RNGTT: variants seen among roughly 807,000 people sequenced by gnomAD.
RNGTT encodes the protein mRNA-capping enzyme.
RNGTT carries 33 observed loss-of-function variants against 79.3 expected under a neutral mutation model. The ratio of observed to expected loss-of-function variants is 0.42; its 90% CI spans 0.32 to 0.56. RNGTT has a LOEUF of 0.56. RNGTT is among the 20% of genes least tolerant of loss of function. RNGTT has a pLI of 0.17. For missense variants in RNGTT, 497 were observed against 739.1 expected, an observed-to-expected ratio of 0.67 and a Z score of 3.80; for synonymous variants, 222 against 235.9, an observed-to-expected ratio of 0.94 and a Z score of 0.54.
chr6:88,771,917 C>T (rs1471203658), intron 12 of RNGTT, among the ~76,000 whole-genome samples: 1 of 152,096 alleles, frequency 6.6e-6, no homozygotes, highest in Non-Finnish European at 1.5e-5. Flanking sequence ...GTGGCTCACG[C>T]CTGTAATTCC....
rs530198823 is a variant in RNGTT at position 88,884,182 on chromosome 6, G to C, written c.896+6313C>G. ...GAGGTTAGACTTTCAACAATATGGA[G>C]GGAAAGTCAGCTCACAGTTATTCAT... On this transcript the variant is annotated intron_variant, in intron 8 of 15. Coordinates refer to ENST00000369485, the MANE Select transcript of RNGTT (RefSeq NM_003800.5). Among the ~76,000 whole-genome samples the C allele has an allele frequency of 2.2e-4, 33 of 152,272 alleles. 1 individual carries two copies. The highest frequency in any genetic ancestry group is 3.4e-4 in the Non-Finnish European group (23 of 68,026).
At chr6:88,628,554 T>C (rs1772723210) in intron 14 of RNGTT, among the ~76,000 whole-genome samples, 1 of 152,156 alleles carries the variant, frequency 6.6e-6, no homozygotes. Context: ...AGCCAATATA[T>C]TTATATTCAT....
Position 88,963,511 on chromosome 6 carries a change from A to C in RNGTT, c.-102T>G. 9.0e-6 allele frequency: 10 copies of C among 1,115,286 alleles called. No individual in the cohort carries two copies. The highest frequency in any genetic ancestry group is 1.2e-5 in the Non-Finnish European group (10 of 811,546). The allele number at this position is 1,115,286 out of a possible 1,614,324, so 69.1% of individuals were successfully genotyped here. The stretch of plus-strand genomic sequence containing the variant: ...GCACACCGGGGTCCGAGACACCCGA[A>C]TCGCAGCCGTAATCTGAATTCCAAC... On this transcript the variant is annotated 5_prime_UTR_variant, in exon 1 of 16. Transcript: ENST00000369485.
At chr6:88,791,808 C>T (rs893334151) in intron 12 of RNGTT, among the ~76,000 whole-genome samples, 1 of 152,036 alleles carries the variant, frequency 6.6e-6, no homozygotes, top group African/African-American at 2.4e-5. Flanking sequence ...CAAAGTGCTG[C>T]GATTACAGGC....
At chr6:88,869,839 A>G (rs1782297783) in intron 8 of RNGTT, among the ~76,000 whole-genome samples, 1 of 152,114 alleles carries the variant, frequency 6.6e-6, no homozygotes, top group Admixed American at 6.6e-5. Context: ...TAAAGGCTGT[A>G]ATTTATGCAG....
rs935486119 is a variant in RNGTT, at chr6:88,642,997, G to A, written c.1507-28602C>T. Among the ~76,000 whole-genome samples the A allele has an allele frequency of 5.7e-4, 87 of 152,132 alleles. 1 individual carries two copies. Among genetic ancestry groups the A allele is most frequent in the African/African-American group, 2.0e-3 (84 of 41,510 alleles). On this transcript the variant is annotated intron_variant, in intron 14 of 15. Transcript: ENST00000369485. ...ATTTCCAAAAGGGAAGTACAAATGC[G>A]CCTTGACTTACAATACAGTTACATC... is the stretch of plus-strand genomic sequence containing the variant.
chr6:88,841,280 T>C lies in RNGTT; in HGVS notation c.1269+3077A>G, dbSNP rs141973949. ...AACCAAAATTCCCATGCCAAGCAGG[T>C]GTTACACAAAATCATAATAAAAGTA... On this transcript the variant is annotated intron_variant, in intron 11 of 15. Coordinates refer to ENST00000369485, the MANE Select transcript of RNGTT (RefSeq NM_003800.5). 3.1e-3 allele frequency among the ~76,000 whole-genome samples: 468 copies of C among 152,182 alleles called. 3 individuals are homozygous for C. The highest frequency in any genetic ancestry group is 9.2e-3 in the African/African-American group (383 of 41,524).
At chr6:88,626,390 C>T (rs951586872) in intron 14 of RNGTT, among the ~76,000 whole-genome samples, 8 of 151,912 alleles carry the variant, frequency 5.3e-5, no homozygotes, top group Non-Finnish European at 1.2e-4. Context: ...AAAAGGTAGA[C>T]TACACTTATG....
chr6:88,817,531 G>C (rs1455251435), intron 11 of RNGTT, among the ~76,000 whole-genome samples: 5 of 134,442 alleles, frequency 3.7e-5, no homozygotes, highest in Non-Finnish European at 8.0e-5. Context: ...GGGAGGTGTA[G>C]ATATAAATAC....
chr6:88,862,079 G>T (rs1215702961), intron 8 of RNGTT, among the ~76,000 whole-genome samples: 3 of 152,162 alleles, frequency 2.0e-5, no homozygotes, highest in African/African-American at 7.2e-5. Context: ...CTGTGATATT[G>T]TGAAATATAC....
intron 4 of RNGTT, among the ~76,000 whole-genome samples, chr6:88,917,430 G>C (rs1784032916): frequency 6.6e-6 from 1 of 152,110 alleles, no homozygotes; most frequent in Non-Finnish European, 1.5e-5. Flanking sequence ...AATCAGAATG[G>C]CTAGAATATG....
At chr6:88,835,845 T>C (rs918736695) in intron 11 of RNGTT, among the ~76,000 whole-genome samples, 1 of 151,860 alleles carries the variant, frequency 6.6e-6, no homozygotes, top group East Asian at 1.9e-4. Flanking sequence ...TTAGAAAGTA[T>C]TATAATTAGC....
chr6:88,686,983 T>A (rs1775303363), intron 13 of RNGTT, among the ~76,000 whole-genome samples: 1 of 151,618 alleles, frequency 6.6e-6, no homozygotes, highest in African/African-American at 2.4e-5. Flanking sequence ...AAAATTTTTT[T>A]AAATGGCATG....
intron 8 of RNGTT, among the ~76,000 whole-genome samples, chr6:88,887,893 A>T (rs1782919962): frequency 6.6e-6 from 1 of 152,222 alleles, no homozygotes; most frequent in Non-Finnish European, 1.5e-5. Flanking sequence ...AGGCAGGAGG[A>T]TCACTACAGC....
At chr6:88,853,822 T>C (rs1781754350) in intron 8 of RNGTT, 58 bp from the exon 9 acceptor site, 1 of 1,081,338 alleles carries the variant, frequency 9.2e-7, no homozygotes, top group South Asian at 1.7e-5. Flanking sequence ...AACAGGGTCA[T>C]GAGAAATAAC....
At chr6:88,874,605 A>T (rs1331143667) in intron 8 of RNGTT, among the ~76,000 whole-genome samples, 1 of 152,026 alleles carries the variant, frequency 6.6e-6, no homozygotes, top group African/African-American at 2.4e-5. Context: ...ATCACACATA[A>T]TGAATAAGAG....
chr6:88,647,287 TATTTTC>T (rs1773603417), intron 14 of RNGTT, among the ~76,000 whole-genome samples: 1 of 152,184 alleles, frequency 6.6e-6, no homozygotes, highest in African/African-American at 2.4e-5. Flanking sequence ...AATAATTATT[TATTTTC>T]AACACAAACT....
At chr6:88,665,319 A>C (rs1471443802) in intron 14 of RNGTT, among the ~76,000 whole-genome samples, 1 of 152,092 alleles carries the variant, frequency 6.6e-6, no homozygotes, top group African/African-American at 2.4e-5. Flanking sequence ...AGTCAGGCAA[A>C]ACCAGTATCC....
intron 14 of RNGTT, among the ~76,000 whole-genome samples, chr6:88,675,368 C>T (rs1225692588): frequency 6.6e-6 from 1 of 152,074 alleles, no homozygotes; most frequent in East Asian, 1.9e-4. Context: ...TTCTACTCAA[C>T]TCTGTATTGT....
Sources: allele counts gnomAD v4.1 joint callset (sites outside exome capture counted in the v4.1 genomes callset), GRCh38; gene constraint gnomAD v4.1.1; transcripts MANE v1.5; gene names NCBI Gene and HGNC (gene_info 2026-07-23, HGNC 2026-07-21).